Variants in PRH1 observed in about 807,000 individuals in gnomAD.
PRH1 encodes salivary acidic proline-rich phosphoprotein 1/2.
In PRH1, 7 loss-of-function variants were observed where a neutral mutation model predicts 7.9. The ratio of observed to expected loss-of-function variants is 0.89; its 90% confidence interval spans 0.50 to 1.67. PRH1 has a LOEUF of 1.67. Ranked by LOEUF, PRH1 falls within the 40% of genes most tolerant of loss-of-function variation. PRH1 has a pLI of 0.00. For missense variants in PRH1, 109 were observed against 223.6 expected (o/e 0.49, Z 3.27); for synonymous variants, 45 against 80.8 (o/e 0.56, Z 2.38).
At chr12:11,112,388 G>C (rs1023778033) in intron 1 of PRH1, among the ~76,000 whole-genome samples, 1 of 151,950 alleles carries the variant, frequency 6.6e-6, no homozygotes, top group South Asian at 2.1e-4. Context: ...GATGAACATC[G>C]ATGCGAAAAT....
chr12:11,044,231 A>C (rs1942829051), intron 1 of PRH1, among the ~76,000 whole-genome samples: 1 of 152,214 alleles, frequency 6.6e-6, no homozygotes. Context: ...GGACAACTGA[A>C]TATCCCTATG....
At position 11,081,618 on chromosome 12, in the gene PRH1, A is replaced by G. The variant is rs1304942906; in HGVS notation, n.124-34430T>C. Among the ~76,000 whole-genome samples, 2 of 116,600 alleles carry G rather than the reference A, an allele frequency of 1.7e-5. 1 individual carries two copies. The highest frequency in any genetic ancestry group is 4.1e-5 in the Non-Finnish European group (2 of 49,112). The allele number at this position is 116,600 out of a possible 152,430, so 76.5% of individuals were successfully genotyped here. The stretch of plus-strand genomic sequence containing the variant: ...GCTTGTCTGTTGCTGGGTCATCACC[A>G]CAAACTCTGCTAACAGGCAAACTCA... On this transcript the variant is annotated intron_variant and non_coding_transcript_variant, in intron 1 of 4. Coordinates refer to the PRH1 transcript ENST00000541977.
intron 2 of PRH1, among the ~76,000 whole-genome samples, chr12:10,946,445 G>T (rs1202671622): frequency 6.6e-6 from 1 of 152,120 alleles, no homozygotes; most frequent in African/African-American, 2.4e-5. Flanking sequence ...TGTTTACAGT[G>T]GTTCTGATGG....
chr12:11,065,245 T>A (rs975142144), intron 1 of PRH1, among the ~76,000 whole-genome samples: 1 of 152,158 alleles, frequency 6.6e-6, no homozygotes, highest in East Asian at 1.9e-4. Flanking sequence ...TTCCTTTAGT[T>A]ACCTTTCAGG....
intron 2 of PRH1, among the ~76,000 whole-genome samples, chr12:10,971,778 T>C (rs1938825233): frequency 2.0e-5 from 3 of 152,118 alleles, no homozygotes; most frequent in Admixed American, 2.0e-4. Context: ...ATAAAAATTA[T>C]TAAACTTAAC....
At chr12:10,924,442 C>T (rs1183420390) in intron 2 of PRH1, among the ~76,000 whole-genome samples, 1 of 152,150 alleles carries the variant, frequency 6.6e-6, no homozygotes, top group Non-Finnish European at 1.5e-5. Flanking sequence ...CATGTAGTTG[C>T]CATCAGATAA....
intron 2 of PRH1, chr12:10,929,253 G>A: frequency 6.2e-7 from 1 of 1,614,198 alleles, no homozygotes; most frequent in Non-Finnish European, 8.5e-7. Flanking sequence ...AGTTGGGAGT[G>A]ACACCAGAGC....
At position 11,091,330 on chromosome 12, in the gene PRH1, C is replaced by G. The variant is rs3759247; in HGVS notation, n.124-44142G>C. ...GAGATGAAGTCTTCTCTCCTTTCAC[C>G]CAGTACCTCATTTGCCAAAAAACTG... On this transcript the variant is annotated intron_variant and non_coding_transcript_variant, in intron 1 of 4. Transcript: ENST00000541977. The G allele has an allele frequency of 7.1e-6, 8 of 1,122,332 alleles. 2 individuals are homozygous for G. Among genetic ancestry groups the G allele is most frequent in the Non-Finnish European group, 1.0e-5 (8 of 795,066 alleles). The allele number at this position is 1,122,332 out of a possible 1,614,324, so 69.5% of individuals were successfully genotyped here. A position where few individuals can be genotyped will look rare whatever the true frequency, so the allele number is the denominator to read the frequency against.
chr12:10,905,856 A>G (rs571487775), intron 2 of PRH1, among the ~76,000 whole-genome samples: 1 of 152,342 alleles, frequency 6.6e-6, no homozygotes, highest in South Asian at 2.1e-4. Context: ...AATAGGAACT[A>G]TACAATTTTA....
At chr12:11,016,593 C>T (rs181511236) in intron 1 of PRH1, among the ~76,000 whole-genome samples, 2 of 149,504 alleles carry the variant, frequency 1.3e-5, no homozygotes, top group Non-Finnish European at 1.5e-5. Flanking sequence ...TTCCCACCTC[C>T]GCCTCCAAAA....
At chr12:11,058,724 G>A (rs1448507339) in intron 1 of PRH1, among the ~76,000 whole-genome samples, 1 of 95,994 alleles carries the variant, frequency 1.0e-5, no homozygotes, top group Admixed American at 1.2e-4. Context: ...CTCTGTGCAC[G>A]TCTCTGACAA....
In PRH1 at chr12:10,961,630, T is replaced by C. The variant is rs1456235104; in HGVS notation, c.-59+12025A>G. 1.3e-5 allele frequency among the ~76,000 whole-genome samples: 2 copies of C among 152,180 alleles called. 1 individual carries two copies. The highest frequency in any genetic ancestry group is 1.3e-4 in the Admixed American group (2 of 15,290). ...TTGCCTGATCCAGATCATCCTACCA[T>C]CCTTCCTTGAATGGAACACCACACT... On this transcript the variant is annotated intron_variant, in intron 2 of 3. Coordinates refer to the PRH1 transcript ENST00000539853.
At chr12:11,147,715 C>T (rs1050620157) in intron 1 of PRH1, among the ~76,000 whole-genome samples, 8 of 152,158 alleles carry the variant, frequency 5.3e-5, no homozygotes, top group African/African-American at 1.9e-4. Flanking sequence ...TGTCCTATTA[C>T]ATTAGCTAAA....
intron 1 of PRH1, among the ~76,000 whole-genome samples, chr12:11,056,995 A>G (rs1943386236): frequency 6.6e-6 from 1 of 152,018 alleles, no homozygotes; most frequent in African/African-American, 2.4e-5. Context: ...GACACCAGTA[A>G]GAACTTTCAC....
intron 1 of PRH1, among the ~76,000 whole-genome samples, chr12:10,998,614 T>A (rs7301713): frequency 0.3 from 46,342 of 152,060 alleles, 8,925 homozygotes; most frequent in East Asian, 0.74. Flanking sequence ...GAAAATGAGT[T>A]TCCAGGAGCT....
intron 1 of PRH1, among the ~76,000 whole-genome samples, chr12:11,168,236 G>A (rs868710159): frequency 4.6e-4 from 3 of 6,458 alleles, no homozygotes; most frequent in African/African-American, 9.3e-4. Flanking sequence ...AAGAAAGAAA[G>A]AAAGAAAGAA....
rs1214263515 is a variant in PRH1, at chr12:10,938,407, C to T, written c.-59+35248G>A. 8.1e-6 allele frequency: 13 copies of T among 1,613,892 alleles called. 1 individual carries two copies. The Middle Eastern group carries it at 6.6e-4, about 82-fold the overall frequency. ...GACATGAAGGATAAGCCATTCCCAT[C>T]ACCTGGGAAAGAATAATTAGATTTT... On this transcript the variant is annotated intron_variant, in intron 2 of 3. Transcript: ENST00000539853.
chr12:11,020,363 G>GATATATATATATATATAT (rs71051554), intron 1 of PRH1, among the ~76,000 whole-genome samples: 1,658 of 86,856 alleles, frequency 0.019, 95 homozygotes, highest in South Asian at 0.024. Flanking sequence ...TATGATAAGC[G>GATATATATATATATATAT]ATATATATAT....
At chr12:10,901,649 A>C (rs2418219) in intron 2 of PRH1, among the ~76,000 whole-genome samples, 75,304 of 151,898 alleles carry the variant, frequency 0.5, 20,905 homozygotes, top group East Asian at 0.72. Context: ...ACATTGTCCA[A>C]AACTGGCTCT....
Sources: allele counts gnomAD v4.1 joint callset (sites outside exome capture counted in the v4.1 genomes callset), GRCh38; gene constraint gnomAD v4.1.1; transcripts MANE v1.5; gene names NCBI Gene and HGNC (gene_info 2026-07-23, HGNC 2026-07-21).